Variants in BICC1 observed in about 807,000 individuals in gnomAD.
BICC1 encodes the protein protein bicaudal C homolog 1.
Under a neutral mutation model 111.0 loss-of-function variants are expected in BICC1, and 43 were observed. The ratio of observed to expected loss-of-function variants is 0.39; its 90% CI spans 0.30 to 0.50. The LOEUF is 0.50. Among genes scored for constraint, BICC1 ranks in the 20% least tolerant of loss-of-function variants. The pLI is 0.88. For synonymous variants in BICC1, 467 were observed against 434.4 expected (o/e 1.07, Z -0.93); for missense variants, 1,091 against 1,203.2 (o/e 0.91, Z 1.38).
chr10:58,639,924 A>C (rs1838073579), intron 2 of BICC1, among the ~76,000 whole-genome samples: 1 of 151,654 alleles, frequency 6.6e-6, no homozygotes, highest in African/African-American at 2.4e-5. Context: ...TGTTGCCCAG[A>C]CTGGCTGCCA....
intron 2 of BICC1, among the ~76,000 whole-genome samples, chr10:58,694,123 A>G (rs1405695538): frequency 6.6e-6 from 1 of 152,080 alleles, no homozygotes; most frequent in Non-Finnish European, 1.5e-5. Flanking sequence ...TCCCACAATC[A>G]TCTCCTTCTC....
At chr10:58,612,490 T>A (rs1334096049) in intron 1 of BICC1, among the ~76,000 whole-genome samples, 1 of 152,200 alleles carries the variant, frequency 6.6e-6, no homozygotes, top group Non-Finnish European at 1.5e-5. Context: ...GTTTTAAATT[T>A]TGTGTAAAAT....
At chr10:58,785,357 A>G (rs1439687250) in intron 4 of BICC1, among the ~76,000 whole-genome samples, 3 of 152,184 alleles carry the variant, frequency 2.0e-5, no homozygotes, top group East Asian at 3.8e-4. Flanking sequence ...ATGTGTATAT[A>G]TGTATACATG....
chr10:58,664,237 C>G (rs1225603125), intron 2 of BICC1, among the ~76,000 whole-genome samples: 2 of 152,114 alleles, frequency 1.3e-5, no homozygotes, highest in Non-Finnish European at 2.9e-5. Context: ...TATTATCTAT[C>G]TTTTGAAATG....
At chr10:58,701,952 G>A in intron 2 of BICC1, 122 bp from the exon 3 acceptor site, 1 of 608,126 alleles carries the variant, frequency 1.6e-6, no homozygotes, top group African/African-American at 1.9e-5. Context: ...GTTTTCAAAT[G>A]AGATCATTTT....
chr10:58,598,012 A>G (rs1844879984), intron 1 of BICC1, among the ~76,000 whole-genome samples: 1 of 152,160 alleles, frequency 6.6e-6, no homozygotes, highest in Non-Finnish European at 1.5e-5. Context: ...TATGAAGATA[A>G]CAGGATTAAG....
At chr10:58,812,328 A>G (rs1045549077) in intron 17 of BICC1, among the ~76,000 whole-genome samples, 20 of 152,144 alleles carry the variant, frequency 1.3e-4, no homozygotes, top group African/African-American at 4.6e-4. Context: ...GCTGGGATAT[A>G]GGAATTCTGA....
At chr10:58,581,121 A>G (rs1844269216) in intron 1 of BICC1, among the ~76,000 whole-genome samples, 2 of 152,186 alleles carry the variant, frequency 1.3e-5, no homozygotes, top group South Asian at 2.1e-4. Context: ...AGCAAAGGAA[A>G]TAATAAGAAT....
intron 2 of BICC1, among the ~76,000 whole-genome samples, chr10:58,691,673 G>C (rs151025829): frequency 6.1e-4 from 93 of 152,286 alleles, no homozygotes; most frequent in African/African-American, 1.9e-3. Flanking sequence ...GCCACTCTGA[G>C]CCTGTGTTAG....
At chr10:58,534,461 G>T (rs1842775579) in intron 1 of BICC1, among the ~76,000 whole-genome samples, 2 of 151,530 alleles carry the variant, frequency 1.3e-5, no homozygotes, top group South Asian at 2.1e-4. Flanking sequence ...ATCACACAAA[G>T]ATTCTCTATA....
At chr10:58,727,630 T>A (rs922214772) in intron 3 of BICC1, among the ~76,000 whole-genome samples, 2 of 152,136 alleles carry the variant, frequency 1.3e-5, no homozygotes, top group South Asian at 4.1e-4. Context: ...GGTTCATACT[T>A]AAGAATTACA....
chr10:58,714,723 C>G (rs1013619946), intron 3 of BICC1, among the ~76,000 whole-genome samples: 6 of 152,094 alleles, frequency 3.9e-5, no homozygotes, highest in Admixed American at 3.9e-4. Context: ...TGACCTTTTC[C>G]TGGTTTCTCT....
chr10:58,797,512 T>C (rs1292981725), intron 10 of BICC1, among the ~76,000 whole-genome samples: 1 of 152,162 alleles, frequency 6.6e-6, no homozygotes, highest in East Asian at 1.9e-4. Context: ...AGTTGTTCCT[T>C]CCACTGGGAC....
intron 1 of BICC1, among the ~76,000 whole-genome samples, chr10:58,525,689 G>A (rs936340362): frequency 1.7e-5 from 2 of 117,490 alleles, no homozygotes; most frequent in African/African-American, 5.4e-5. Flanking sequence ...TTGTGTACAT[G>A]TACCCTAAAA....
At chr10:58,730,243 C>T (rs1239851488) in intron 3 of BICC1, among the ~76,000 whole-genome samples, 1 of 152,204 alleles carries the variant, frequency 6.6e-6, no homozygotes, top group Non-Finnish European at 1.5e-5. Flanking sequence ...CCCAGCAGGA[C>T]AGTCATTAAA....
intron 1 of BICC1, among the ~76,000 whole-genome samples, chr10:58,542,274 TAG>T (rs1843011828): frequency 6.6e-6 from 1 of 151,496 alleles, no homozygotes; most frequent in Admixed American, 6.6e-5. Flanking sequence ...CCAAGGCTAC[TAG>T]TAGGGAAAGG....
chr10:58,677,539 G>C lies in BICC1; in HGVS notation c.238-24535G>C, dbSNP rs575734687. On this transcript the variant is annotated intron_variant, in intron 2 of 20. Coordinates refer to ENST00000373886, the MANE Select transcript of BICC1 (RefSeq NM_001080512.3). ...AATGAAGAAAGCCTCCAAGATATATGGGACTATGTGAAAAGACCAAACCTA... is the reference window on the plus strand; with the variant it reads ...AATGAAGAAAGCCTCCAAGATATATCGGACTATGTGAAAAGACCAAACCTA... Among the ~76,000 whole-genome samples, 3 of 152,270 alleles carry C rather than the reference G, an allele frequency of 2.0e-5. No homozygotes were observed. The South Asian group carries it at 6.2e-4, about 32-fold the overall frequency.
intron 3 of BICC1, among the ~76,000 whole-genome samples, chr10:58,748,114 G>A (rs1198233083): frequency 2.0e-5 from 3 of 152,076 alleles, no homozygotes; most frequent in African/African-American, 7.2e-5. Flanking sequence ...TTATAACGTA[G>A]CTGGATAAAA....
intron 1 of BICC1, among the ~76,000 whole-genome samples, chr10:58,514,996 G>T (rs1424242686): frequency 6.6e-6 from 1 of 152,116 alleles, no homozygotes; most frequent in Non-Finnish European, 1.5e-5. Flanking sequence ...TTTCACCTGC[G>T]CACAAACAAG....
Sources: gnomAD v4.1 joint callset for allele counts (sites outside exome capture counted in the v4.1 genomes callset) on GRCh38, gnomAD v4.1.1 for gene constraint, MANE v1.5 for transcripts, NCBI Gene and HGNC (gene_info 2026-07-23, HGNC 2026-07-21) for gene names.